The following CDH13 variants were observed in gnomAD, a reference collection of about 807,000 sequenced individuals.
CDH13 encodes cadherin-13.
In CDH13, 24 loss-of-function variants were observed where a neutral mutation model predicts 63.8. That is an observed-to-expected ratio of 0.38 (90% CI 0.27 to 0.53). The LOEUF (loss-of-function observed/expected upper bound fraction) is 0.53. Among genes scored for constraint, CDH13 ranks in the 20% least tolerant of loss-of-function variants. The pLI, the probability that CDH13 is intolerant of heterozygous loss-of-function variation, is 0.85. For missense variants in CDH13, 1,049 were observed against 903.1 expected (o/e 1.16, Z -2.07); for synonymous variants, 503 against 355.3 (o/e 1.42, Z -4.67).
At chr16:83,327,508 A>G (rs539767190) in intron 5 of CDH13, among the ~76,000 whole-genome samples, 71 of 152,340 alleles carry the variant, frequency 4.7e-4, no homozygotes, top group African/African-American at 1.7e-3. Context: ...CATTTATTGA[A>G]AATCTACTGT....
chr16:83,369,384 CT>C (rs2091321058), intron 6 of CDH13, among the ~76,000 whole-genome samples: 2 of 152,016 alleles, frequency 1.3e-5, no homozygotes, highest in South Asian at 4.1e-4. Flanking sequence ...AAACCTGTCT[CT>C]CCTCCTTTCA....
intron 6 of CDH13, among the ~76,000 whole-genome samples, chr16:83,462,078 G>A (rs1387926824): frequency 6.6e-6 from 1 of 152,228 alleles, no homozygotes; most frequent in African/African-American, 2.4e-5. Flanking sequence ...CAGAAACTTG[G>A]AAATCGTTTT....
chr16:82,941,617 T>C (rs1904288044), intron 2 of CDH13, among the ~76,000 whole-genome samples: 1 of 152,178 alleles, frequency 6.6e-6, no homozygotes, highest in Non-Finnish European at 1.5e-5. Context: ...CAACTCCCAG[T>C]GGAATATTAA....
chr16:83,227,862 C>T (rs999047364), intron 5 of CDH13, among the ~76,000 whole-genome samples: 3 of 152,202 alleles, frequency 2.0e-5, no homozygotes, highest in Admixed American at 6.5e-5. Context: ...TGGCACCCAA[C>T]TTGTGTTAGC....
At chr16:83,510,907 C>A (rs1001948573) in intron 7 of CDH13, among the ~76,000 whole-genome samples, 4 of 152,254 alleles carry the variant, frequency 2.6e-5, no homozygotes, top group African/African-American at 9.6e-5. Flanking sequence ...GAATTTCACA[C>A]AAAATTTACC....
At chr16:83,789,731 A>G (rs944642681) in intron 13 of CDH13, among the ~76,000 whole-genome samples, 17 of 152,224 alleles carry the variant, frequency 1.1e-4, no homozygotes, top group African/African-American at 4.1e-4. Flanking sequence ...ATCAGCTGGT[A>G]GAATCTCTTT....
chr16:83,724,500 T>C (rs1910141315), intron 10 of CDH13, among the ~76,000 whole-genome samples: 1 of 151,394 alleles, frequency 6.6e-6, no homozygotes, highest in African/African-American at 2.4e-5. Context: ...CATGGGTGAG[T>C]GATAAATGCA....
chr16:82,630,670 T>C (rs758121319), intron 1 of CDH13, among the ~76,000 whole-genome samples: 5 of 152,264 alleles, frequency 3.3e-5, no homozygotes, highest in Admixed American at 1.3e-4. Flanking sequence ...AAAGTGTAGC[T>C]AGGTTCTTGA....
intron 1 of CDH13, among the ~76,000 whole-genome samples, chr16:82,686,901 A>G (rs1381128320): frequency 6.6e-6 from 1 of 152,214 alleles, no homozygotes; most frequent in Non-Finnish European, 1.5e-5. Context: ...TCTTCCTTGG[A>G]TCTCTCTTAC....
At chr16:83,505,936 C>T (rs1156499767) in intron 7 of CDH13, among the ~76,000 whole-genome samples, 2 of 152,168 alleles carry the variant, frequency 1.3e-5, no homozygotes, top group East Asian at 3.9e-4. Context: ...CATTCCATAA[C>T]GTGGTGGTGG....
intron 3 of CDH13, among the ~76,000 whole-genome samples, chr16:83,059,821 G>T (rs1285040683): frequency 7.7e-6 from 1 of 129,058 alleles, no homozygotes; most frequent in African/African-American, 2.9e-5. Context: ...TTTAGAAGGA[G>T]TCTCGCTCTG....
At chr16:82,714,059 A>C (rs953900417) in intron 1 of CDH13, among the ~76,000 whole-genome samples, 1 of 152,144 alleles carries the variant, frequency 6.6e-6, no homozygotes, top group Non-Finnish European at 1.5e-5. Context: ...TCGGCCTTCC[A>C]AAGTGCTGGA....
At chr16:83,372,553 A>G (rs2091387627) in intron 6 of CDH13, among the ~76,000 whole-genome samples, 2 of 151,968 alleles carry the variant, frequency 1.3e-5, no homozygotes, top group African/African-American at 2.4e-5. Context: ...AGAGATTGAG[A>G]CCATCCTGGC....
At chr16:83,582,045 G>T (rs1905659558) in intron 7 of CDH13, among the ~76,000 whole-genome samples, 1 of 152,122 alleles carries the variant, frequency 6.6e-6, no homozygotes, top group Non-Finnish European at 1.5e-5. Context: ...AATGTTTGTG[G>T]AATTAATGGA....
At chr16:83,223,228 G>C (rs2039749221) in intron 5 of CDH13, among the ~76,000 whole-genome samples, 1 of 152,218 alleles carries the variant, frequency 6.6e-6, no homozygotes, top group Non-Finnish European at 1.5e-5. Context: ...TTGGTGTCTT[G>C]TAAGGCCATT....
At chr16:83,137,841 A>G (rs16959399) in intron 4 of CDH13, among the ~76,000 whole-genome samples, 9,593 of 151,910 alleles carry the variant, frequency 0.063, 1,012 homozygotes, top group African/African-American at 0.22. Context: ...GAGATGGGAA[A>G]GAGACCAATA....
At chr16:82,900,867 C>T (rs916043740) in intron 2 of CDH13, among the ~76,000 whole-genome samples, 5 of 152,160 alleles carry the variant, frequency 3.3e-5, no homozygotes, top group African/African-American at 1.2e-4. Flanking sequence ...GCAGGAGACT[C>T]AGAATTAATT....
chr16:83,233,136 A>G (rs1473532647), intron 5 of CDH13, among the ~76,000 whole-genome samples: 1 of 152,198 alleles, frequency 6.6e-6, no homozygotes, highest in Non-Finnish European at 1.5e-5. Flanking sequence ...TAATGACTAG[A>G]AAAGTCTTTT....
intron 1 of CDH13, among the ~76,000 whole-genome samples, chr16:82,840,157 G>A (rs1238506083): frequency 6.6e-6 from 1 of 151,984 alleles, no homozygotes; most frequent in Non-Finnish European, 1.5e-5. Context: ...ATAATAGGAG[G>A]GCTTATGACT....
Sources: allele counts gnomAD v4.1 joint callset (sites outside exome capture counted in the v4.1 genomes callset), GRCh38; gene constraint gnomAD v4.1.1; transcripts MANE v1.5; gene names NCBI Gene and HGNC (gene_info 2026-07-23, HGNC 2026-07-21).